The following THUMPD1 variants were observed in gnomAD, a reference collection of about 807,000 sequenced individuals.
The protein encoded by THUMPD1 is THUMP domain-containing protein 1.
THUMPD1 carries 31 observed loss-of-function variants against 31.6 expected under a neutral mutation model. The observed-to-expected ratio is 0.98, with a 90% CI of 0.74 to 1.32. THUMPD1 has a LOEUF of 1.32. THUMPD1 is among the 40% of genes most tolerant of loss of function. THUMPD1 has a pLI of 0.00. For missense variants in THUMPD1, 446 were observed against 427.8 expected, an observed-to-expected ratio of 1.04 and a Z score of -0.38; for synonymous variants, 166 against 158.2, an observed-to-expected ratio of 1.05 and a Z score of -0.37.
At position 20,737,783 on chromosome 16, in the gene THUMPD1, C is replaced by A. The variant is rs373883584; in HGVS notation, c.580G>T (p.Gly194Trp). The change falls in exon 3 of 4, where the codon GGG becomes TGG. Residue 194 changes from glycine (G) to tryptophan (W), a missense_variant. By Grantham distance (184) the Gly-to-Trp change is radical. Transcript: ENST00000396083. ...LEPWFKAPNK[G>W]TFQIVYKSRN... ...GATTTGTACACAATCTGAAATGTCC[C>A]TTTGTTTGGAGCTTTAAACCAGGGT... 3 of 1,613,862 alleles carry A rather than the reference C, an allele frequency of 1.9e-6. No homozygotes were observed. Among genetic ancestry groups the A allele is most frequent in the Non-Finnish European group, 2.5e-6 (3 of 1,179,904 alleles).
intron 1 of THUMPD1, among the ~76,000 whole-genome samples, chr16:20,739,945 C>T (rs1596492724): frequency 6.6e-6 from 1 of 152,100 alleles, no homozygotes; most frequent in East Asian, 1.9e-4. Context: ...ACGTGCTGAC[C>T]AGATCAATCA....
chr16:20,741,375 G>A, intron 1 of THUMPD1, 134 bp downstream of exon 1: 1 of 1,142,932 alleles, frequency 8.7e-7, no homozygotes, highest in Non-Finnish European at 1.2e-6. Flanking sequence ...GGAAACGCCG[G>A]CGAGGCCACG....
Position 20,737,709 on chromosome 16 carries a change from T to A in THUMPD1, c.654A>T (p.Ala218=), listed in dbSNP as rs1360682353. The A allele has an allele frequency of 6.2e-7, 1 of 1,604,696 alleles. No individual in the cohort carries two copies. ...VNREEVIREL[A]GIVCTLNSEN... is the part of the protein sequence containing the mutation. ...GGAAAATCACTAAGAGAAACATACC[T>A]GCCAATTCTCTGATAACTTCTTCTC... is the stretch of plus-strand genomic sequence containing the variant. The change falls in exon 3 of 4, where the codon GCA becomes GCT. Residue 218 remains alanine (A), a splice_region_variant and synonymous_variant. Transcript: ENST00000396083.
chr16:20,741,409 A>G (rs1018749266), intron 1 of THUMPD1, 100 bp downstream of exon 1: 11 of 1,398,658 alleles, frequency 7.9e-6, no homozygotes, highest in South Asian at 1.5e-5. Flanking sequence ...CACGCCGACG[A>G]CCCGAGGCGC....
chr16:20,734,814 A>AT lies in THUMPD1; in HGVS notation c.*2065dup, dbSNP rs1235595162. ...GAGCACTAAGTTGAAGAATACTCTT[A>AT]TTTCACAGAAATCTAGGACTGTCAG... On this transcript the variant is annotated 3_prime_UTR_variant, in exon 4 of 4. Coordinates refer to ENST00000396083, the MANE Select transcript of THUMPD1 (RefSeq NM_017736.5). 6.6e-6 allele frequency: 1 copy of AT among 152,194 alleles called. No homozygotes were observed. Among genetic ancestry groups the AT allele is most frequent in the African/African-American group, 2.4e-5 (1 of 41,448 alleles). The allele number at this position is 152,194 out of a possible 1,614,324, so 9.4% of individuals were successfully genotyped here.
rs1301570879 is a variant in THUMPD1 at position 20,739,068 on chromosome 16, T to C, written c.235A>G (p.Thr79Ala). 3 of 1,614,116 alleles carry C rather than the reference T, an allele frequency of 1.9e-6. No homozygotes were observed. Among genetic ancestry groups the C allele is most frequent in the Admixed American group, 1.7e-5 (1 of 60,012 alleles). The change falls in exon 2 of 4, where the codon ACA (threonine) becomes GCA (alanine). Residue 79 changes from threonine to alanine, a missense_variant. Transcript: ENST00000396083. ...GDDMYGPEKFTDKDQQPSGSE... is the reference protein window; with the variant it reads ...GDDMYGPEKFADKDQQPSGSE... ...CCAGAGGGCTGCTGATCCTTGTCTG[T>C]AAACTGTTTGCATAAAACTAATGAG...
intron 1 of THUMPD1, 28 bp downstream of exon 1, chr16:20,741,481 G>GGGGGGGGGGGGGGCCC: frequency 1.1e-5 from 14 of 1,308,404 alleles, no homozygotes; most frequent in South Asian, 1.8e-5. Flanking sequence ...CTGGCAGCCG[G>GGGGGGGGGGGGGGCCC]CCCGCCCGCC....
Position 20,741,639 on chromosome 16 carries a change from C to A in THUMPD1, c.101G>T (p.Gly34Val). 6.3e-7 allele frequency: 1 copy of A among 1,582,296 alleles called. No individual in the cohort carries two copies. The highest frequency in any genetic ancestry group is 8.6e-7 in the Non-Finnish European group (1 of 1,164,492). The change falls in exon 1 of 4, where the codon GGC becomes GTC. Residue 34 changes from glycine to valine, a missense_variant. Transcript: ENST00000396083. ...LAKRARRCDAGGPRQLEPGLQ... is the reference protein window; with the variant it reads ...LAKRARRCDAVGPRQLEPGLQ... The stretch of plus-strand genomic sequence containing the variant: ...CCCGGGCTCTAGCTGACGGGGCCCG[C>A]CAGCGTCGCAGCGCCGAGCGCGCTT...
chr16:20,741,480 G>GGGGGGGGGGGC, intron 1 of THUMPD1, 29 bp downstream of exon 1: 14 of 1,340,414 alleles, frequency 1.0e-5, no homozygotes, highest in South Asian at 1.7e-5. Flanking sequence ...CCTGGCAGCC[G>GGGGGGGGGGGC]GCCCGCCCGC....
rs2079845641 is a variant in THUMPD1 at position 20,733,744 on chromosome 16, A to G, written c.*3136T>C. ...AACAAGCTCGATTTCTGGCCGTACC[A>G]AAAGCAAAATACAAGTAAAAATAAC... On this transcript the variant is annotated 3_prime_UTR_variant, in exon 4 of 4. Coordinates refer to ENST00000396083, the MANE Select transcript of THUMPD1 (RefSeq NM_017736.5). The G allele has an allele frequency of 6.6e-6, 1 of 152,136 alleles. No homozygotes were observed. Among genetic ancestry groups the G allele is most frequent in the South Asian group, 2.1e-4 (1 of 4,838 alleles). 9.4% of individuals were successfully genotyped at this position (152,136 alleles called of 1,614,324 possible). A position where few individuals can be genotyped will look rare whatever the true frequency, so the allele number is the denominator to read the frequency against.
At chr16:20,741,482 C>CGCG in intron 1 of THUMPD1, 27 bp downstream of exon 1, 1 of 160,352 alleles carries the variant, frequency 6.2e-6, no homozygotes, top group Non-Finnish European at 1.3e-5. Context: ...TGGCAGCCGG[C>CGCG]CCGCCCGCCC....
Position 20,737,565 on chromosome 16 carries a change from G to T in THUMPD1, c.655+143C>A, listed in dbSNP as rs377477967. 48 of 869,882 alleles carry T rather than the reference G, an allele frequency of 5.5e-5. 1 individual carries two copies. The East Asian group carries it at 6.9e-4, about 13-fold the overall frequency. 53.9% of individuals were successfully genotyped at this position (869,882 alleles called of 1,614,324 possible). A position where few individuals can be genotyped will look rare whatever the true frequency, so the allele number is the denominator to read the frequency against. On this transcript the variant is annotated intron_variant, in intron 3 of 3. Coordinates refer to ENST00000396083, the MANE Select transcript of THUMPD1 (RefSeq NM_017736.5). ...CATATCCGACATATTGAAATCAGTTGATTTAATACTATTTTAAGAACATTT... is the reference window on the plus strand; with the variant it reads ...CATATCCGACATATTGAAATCAGTTTATTTAATACTATTTTAAGAACATTT...
Position 20,741,638 on chromosome 16 carries a change from G to A in THUMPD1, c.102C>T (p.Gly34=), listed in dbSNP as rs773773329. The change falls in exon 1 of 4, where the codon GGC becomes GGT. Residue 34 remains glycine (G), a synonymous_variant. Coordinates refer to ENST00000396083, the MANE Select transcript of THUMPD1 (RefSeq NM_017736.5). The part of the protein sequence containing the change: ...LAKRARRCDA[G]GPRQLEPGLQ... Reference sequence around the variant, plus strand: ...GCCCGGGCTCTAGCTGACGGGGCCCGCCAGCGTCGCAGCGCCGAGCGCGCT... The same window carrying A: ...GCCCGGGCTCTAGCTGACGGGGCCCACCAGCGTCGCAGCGCCGAGCGCGCT... 8 of 1,581,328 alleles carry A rather than the reference G, an allele frequency of 5.1e-6. No homozygotes were observed. Among genetic ancestry groups the A allele is most frequent in the African/African-American group, 2.7e-5 (2 of 74,370 alleles).
intron 1 of THUMPD1, 72 bp downstream of exon 1, chr16:20,741,437 G>T: frequency 6.9e-7 from 1 of 1,451,820 alleles, no homozygotes; most frequent in Non-Finnish European, 9.1e-7. Flanking sequence ...CATACCAGCA[G>T]CCATCCCTCC....
At chr16:20,738,712 C>A (rs2079891788) in intron 2 of THUMPD1, 185 bp downstream of exon 2, 1 of 637,218 alleles carries the variant, frequency 1.6e-6, no homozygotes, top group South Asian at 2.0e-5. Context: ...CACTCATAAG[C>A]CAATGCTACG....
Position 20,741,765 on chromosome 16 carries a change from G to A in THUMPD1, c.-26C>T, listed in dbSNP as rs772390415. 6.4e-7 allele frequency: 1 copy of A among 1,554,628 alleles called. No individual in the cohort carries two copies. ...GGTGTGCGCAAACTGAGAGGAAAGA[G>A]AAACGTTTCTCCGCTGCTGTTGGCG... is the stretch of plus-strand genomic sequence containing the variant. On this transcript the variant is annotated 5_prime_UTR_variant, in exon 1 of 4. Coordinates refer to ENST00000396083, the MANE Select transcript of THUMPD1 (RefSeq NM_017736.5).
intron 1 of THUMPD1, 31 bp downstream of exon 1, chr16:20,741,478 C>CCGGGGGG: frequency 7.5e-7 from 1 of 1,336,932 alleles, no homozygotes; most frequent in Non-Finnish European, 9.7e-7. Context: ...GGCCTGGCAG[C>CCGGGGGG]CGGCCCGCCC....
chr16:20,738,419 A>G (rs546747935), intron 2 of THUMPD1: 98 of 299,232 alleles, frequency 3.3e-4, no homozygotes, highest in Non-Finnish European at 6.3e-4. Context: ...TCCCAGAACC[A>G]TGCTGGGCAC....
Position 20,737,826 on chromosome 16 carries a change from A to G in THUMPD1, c.537T>C (p.Tyr179=), listed in dbSNP as rs753979966. 4 of 1,613,828 alleles carry G rather than the reference A, an allele frequency of 2.5e-6. No homozygotes were observed. The highest frequency in any genetic ancestry group is 2.2e-5 in the East Asian group (1 of 44,822). Residue 179 remains tyrosine (Y), a synonymous_variant, in exon 3 of 4, where the codon TAT becomes TAC. Transcript: ENST00000396083. The part of the protein sequence containing the change: ...CKAFLEDMKK[Y]AETFLEPWFK... Reference sequence around the variant, plus strand: ...ACCAGGGTTCCAAAAATGTTTCTGCATATTTTTTCATATCTTCTAAAAAAG... The same window carrying G: ...ACCAGGGTTCCAAAAATGTTTCTGCGTATTTTTTCATATCTTCTAAAAAAG...
Sources: allele counts gnomAD v4.1 joint callset (sites outside exome capture counted in the v4.1 genomes callset), GRCh38; gene constraint gnomAD v4.1.1; transcripts MANE v1.5; gene names NCBI Gene and HGNC (gene_info 2026-07-23, HGNC 2026-07-21).